The following KCNH8 variants were observed in gnomAD, a reference collection of about 807,000 sequenced individuals.
The protein encoded by KCNH8 is potassium voltage-gated channel subfamily H member 8.
A neutral mutation model predicts 103.6 loss-of-function variants in KCNH8; 70 were observed. That is an observed-to-expected ratio of 0.68 (90% CI 0.56 to 0.82). The LOEUF (loss-of-function observed/expected upper bound fraction) is 0.82, where lower values mean the gene tolerates loss of function less well. KCNH8 is among the 40% of genes least tolerant of loss of function. KCNH8 has a pLI of 0.00. For missense variants in KCNH8, 1,217 were observed against 1,329.9 expected, an observed-to-expected ratio of 0.92 and a Z score of 1.32; for synonymous variants, 498 against 489.4, an observed-to-expected ratio of 1.02 and a Z score of -0.23.
At chr3:19,505,029 G>GTA (rs892923993) in intron 11 of KCNH8, among the ~76,000 whole-genome samples, 13 of 149,420 alleles carry the variant, frequency 8.7e-5, no homozygotes, top group South Asian at 2.1e-4. Flanking sequence ...ATATGTATGT[G>GTA]TATATATATA....
At chr3:19,523,628 G>T (rs2069011037) in intron 15 of KCNH8, among the ~76,000 whole-genome samples, 1 of 151,882 alleles carries the variant, frequency 6.6e-6, no homozygotes. Context: ...CGGTTTGAAA[G>T]ATAAAAACAT....
intron 2 of KCNH8, among the ~76,000 whole-genome samples, chr3:19,265,000 G>A (rs2064488147): frequency 6.6e-6 from 1 of 152,016 alleles, no homozygotes; most frequent in Admixed American, 6.6e-5. Flanking sequence ...TCCCTCACCT[G>A]CCCTTAGTCT....
chr3:19,515,169 T>C (rs2068852929), intron 13 of KCNH8, among the ~76,000 whole-genome samples, 153 bp from the exon 14 acceptor site: 2 of 151,366 alleles, frequency 1.3e-5, no homozygotes, highest in Admixed American at 1.3e-4. Flanking sequence ...AAGTACTCAA[T>C]AGCAATATAA....
At chr3:19,264,627 A>G (rs1411292021) in intron 2 of KCNH8, among the ~76,000 whole-genome samples, 2 of 152,056 alleles carry the variant, frequency 1.3e-5, no homozygotes, top group African/African-American at 4.8e-5. Context: ...GATACTGCCT[A>G]ACTAGATTCC....
At chr3:19,485,870 AT>A (rs1460528139) in intron 11 of KCNH8, among the ~76,000 whole-genome samples, 3 of 152,096 alleles carry the variant, frequency 2.0e-5, no homozygotes, top group African/African-American at 7.2e-5. Flanking sequence ...TCTTGTTGAT[AT>A]TTTATGTCCT....
chr3:19,240,326 A>C (rs7639252), intron 1 of KCNH8, among the ~76,000 whole-genome samples: 9,776 of 152,144 alleles, frequency 0.064, 1,022 homozygotes, highest in African/African-American at 0.22. Flanking sequence ...AAACTTCAGA[A>C]ATTAGGCCAG....
intron 11 of KCNH8, among the ~76,000 whole-genome samples, chr3:19,479,933 A>T (rs1281802232): frequency 2.0e-5 from 3 of 152,174 alleles, no homozygotes; most frequent in Non-Finnish European, 4.4e-5. Context: ...TGTCATTATG[A>T]TTGAGGCAGA....
intron 1 of KCNH8, among the ~76,000 whole-genome samples, chr3:19,185,555 G>T (rs759698852): frequency 2.6e-5 from 4 of 151,838 alleles, no homozygotes; most frequent in African/African-American, 9.7e-5. Context: ...CTTCCTGTAA[G>T]AAATAACATA....
At chr3:19,199,960 G>A (rs904190945) in intron 1 of KCNH8, among the ~76,000 whole-genome samples, 4 of 151,822 alleles carry the variant, frequency 2.6e-5, no homozygotes, top group Admixed American at 1.3e-4. Context: ...TAAACTGCTC[G>A]GCTATAAATT....
chr3:19,413,829 C>CTTGTTT (rs2066821370), intron 7 of KCNH8, among the ~76,000 whole-genome samples: 1 of 152,026 alleles, frequency 6.6e-6, no homozygotes, highest in Non-Finnish European at 1.5e-5. Context: ...TGAAAAACAA[C>CTTGTTT]TCTTGTTGCA....
chr3:19,465,149 T>G (rs2067710019), intron 11 of KCNH8, among the ~76,000 whole-genome samples: 1 of 152,212 alleles, frequency 6.6e-6, no homozygotes, highest in Admixed American at 6.5e-5. Flanking sequence ...TCTAGGAATT[T>G]CATAGCTAGA....
chr3:19,397,137 A>C (rs1472604364), intron 7 of KCNH8, among the ~76,000 whole-genome samples: 1 of 151,988 alleles, frequency 6.6e-6, no homozygotes, highest in African/African-American at 2.4e-5. Context: ...TGTCAATTAA[A>C]AAAAAACAAT....
intron 7 of KCNH8, among the ~76,000 whole-genome samples, chr3:19,419,876 A>T (rs1231197098): frequency 6.6e-6 from 1 of 152,114 alleles, no homozygotes; most frequent in South Asian, 2.1e-4. Flanking sequence ...AGCTTTCAAC[A>T]TCTCTAAATT....
At chr3:19,409,929 AT>A (rs2066751661) in intron 7 of KCNH8, among the ~76,000 whole-genome samples, 1 of 152,080 alleles carries the variant, frequency 6.6e-6, no homozygotes, top group Non-Finnish European at 1.5e-5. Context: ...TAGTGGGGGT[AT>A]TCAAGACCCC....
intron 1 of KCNH8, among the ~76,000 whole-genome samples, chr3:19,215,995 T>A (rs1218618079): frequency 6.6e-6 from 1 of 152,210 alleles, no homozygotes; most frequent in East Asian, 1.9e-4. Context: ...CAACTGGGAA[T>A]TGAAAAATTA....
At chr3:19,205,051 G>C (rs1456657603) in intron 1 of KCNH8, among the ~76,000 whole-genome samples, 1 of 152,022 alleles carries the variant, frequency 6.6e-6, no homozygotes, top group South Asian at 2.1e-4. Context: ...TGTTTATGCT[G>C]TCTATTCGCT....
chr3:19,189,605 A>T (rs2063532479), intron 1 of KCNH8, among the ~76,000 whole-genome samples: 1 of 152,016 alleles, frequency 6.6e-6, no homozygotes. Flanking sequence ...TGTGATTCAT[A>T]TTTAGTAACC....
chr3:19,188,661 T>C (rs889360328), intron 1 of KCNH8, among the ~76,000 whole-genome samples: 16 of 152,120 alleles, frequency 1.1e-4, no homozygotes, highest in African/African-American at 3.6e-4. Context: ...TACATAATGC[T>C]TCCATTATAC....
At chr3:19,264,539 A>G (rs1345047962) in intron 2 of KCNH8, among the ~76,000 whole-genome samples, 1 of 152,108 alleles carries the variant, frequency 6.6e-6, no homozygotes, top group African/African-American at 2.4e-5. Context: ...AAAGTGAGAC[A>G]AACGTAGAGA....
Sources: allele counts gnomAD v4.1 joint callset (sites outside exome capture counted in the v4.1 genomes callset), GRCh38; gene constraint gnomAD v4.1.1; transcripts MANE v1.5; gene names NCBI Gene and HGNC (gene_info 2026-07-23, HGNC 2026-07-21).